Variants in CELSR1 observed in about 807,000 individuals in gnomAD.
CELSR1 encodes adhesion G protein-coupled receptor C1.
CELSR1 carries 110 observed loss-of-function variants against 249.1 expected under a neutral mutation model. The ratio of observed to expected loss-of-function variants is 0.44; its 90% confidence interval spans 0.38 to 0.52. The LOEUF (loss-of-function observed/expected upper bound fraction) is 0.52. Among genes scored for constraint, CELSR1 ranks in the 20% least tolerant of loss-of-function variants. The pLI is 0.00. For synonymous variants in CELSR1, 2,113 were observed against 1,900.0 expected (o/e 1.11, Z -2.92); for missense variants, 4,109 against 4,296.4 (o/e 0.96, Z 1.22).
At chr22:46,511,828 T>C (rs1391884472) in intron 1 of CELSR1, among the ~76,000 whole-genome samples, 1 of 152,050 alleles carries the variant, frequency 6.6e-6, no homozygotes, top group Non-Finnish European at 1.5e-5. Flanking sequence ...AAAGCCACTT[T>C]TCCCACTGAC....
At position 46,428,633 on chromosome 22, in the gene CELSR1, C is replaced by A. The variant is rs1251426005; in HGVS notation, c.4611+4760G>T. Among the ~76,000 whole-genome samples, 3 of 152,192 alleles carry A rather than the reference C, an allele frequency of 2.0e-5. No individual in the cohort carries two copies. The highest frequency in any genetic ancestry group is 4.4e-5 in the Non-Finnish European group (3 of 68,028). ...TAGTGACCAGAGGTCAGGAATGCTG[C>A]CCAGAACAGGCCTCACAATGAAGGG... On this transcript the variant is annotated intron_variant, in intron 5 of 34. Coordinates refer to ENST00000674500, the MANE Select transcript of CELSR1 (RefSeq NM_001378328.1). The surrounding 1 kb of genome is among the most constrained non-coding windows in gnomAD (Gnocchi z 5.7).
intron 1 of CELSR1, among the ~76,000 whole-genome samples, chr22:46,499,964 C>G (rs1019752603): frequency 1.3e-5 from 2 of 152,138 alleles, no homozygotes; most frequent in African/African-American, 4.8e-5. Flanking sequence ...ACCCAGCGGC[C>G]GCCCCCACCA....
At position 46,393,512 on chromosome 22, in the gene CELSR1, CG is replaced by C. The variant is rs1408561541; in HGVS notation, c.5964+629del. The stretch of plus-strand genomic sequence containing the variant: ...CAGCACTCTGGGAGGCTGAGGCGGG[CG>C]GATCACCTGAGGTCAGGAGTTCAAG... On this transcript the variant is annotated intron_variant, in intron 14 of 34. Transcript: ENST00000674500. This position sits in a 1 kb window ranked among gnomAD's most constrained non-coding sequence, Gnocchi z 4.1. 1.3e-5 allele frequency among the ~76,000 whole-genome samples: 2 copies of C among 151,984 alleles called. No homozygotes were observed. The highest frequency in any genetic ancestry group is 4.8e-5 in the African/African-American group (2 of 41,370).
chr22:46,483,319 C>T (rs1172898357), intron 1 of CELSR1, among the ~76,000 whole-genome samples: 2 of 150,878 alleles, frequency 1.3e-5, no homozygotes, highest in East Asian at 3.9e-4. Context: ...ACCCGCCTCA[C>T]TGGGTGTCTA....
At chr22:46,365,782 T>G in intron 30 of CELSR1, 93 bp from the exon 31 acceptor site, 2 of 893,996 alleles carry the variant, frequency 2.2e-6, no homozygotes, top group Non-Finnish European at 1.7e-6. Context: ...CCCTACCCCT[T>G]CTGTGTTCCC....
chr22:46,414,041 G>T (rs5768759), intron 5 of CELSR1, among the ~76,000 whole-genome samples: 1 of 152,118 alleles, frequency 6.6e-6, no homozygotes, highest in Non-Finnish European at 1.5e-5. Context: ...TCAGAGCTAC[G>T]GATTCAAGCA....
chr22:46,363,939 T>A lies in CELSR1; in HGVS notation c.9035+57A>T. The A allele has an allele frequency of 6.7e-7, 1 of 1,495,470 alleles. No individual in the cohort carries two copies. The highest frequency in any genetic ancestry group is 1.3e-5 in the South Asian group (1 of 78,002). 92.6% of individuals were successfully genotyped at this position (1,495,470 alleles called of 1,614,324 possible). A position where few individuals can be genotyped will look rare whatever the true frequency, so the allele number is the denominator to read the frequency against. On this transcript the variant is annotated intron_variant, in intron 34 of 34. Coordinates refer to ENST00000674500, the MANE Select transcript of CELSR1 (RefSeq NM_001378328.1). The surrounding 1 kb of genome is among the most constrained non-coding windows in gnomAD (Gnocchi z 4.3). ...CCTGACCACTGCCCCCTCTCTCTCC[T>A]GACTCAGGACAAGGGGGAAGTGGGT...
In CELSR1 at chr22:46,391,293, G is replaced by A; in HGVS notation, c.6149-6C>T. 2.5e-6 allele frequency: 4 copies of A among 1,612,738 alleles called. No homozygotes were observed. The highest frequency in any genetic ancestry group is 1.1e-5 in the South Asian group (1 of 91,052). ...GGGACAGCCATTGTAGATCACTGGG[G>A]TAGAGAAGAGAGAAGTCTGCTCAGC... On this transcript the variant is annotated splice_polypyrimidine_tract_variant and splice_region_variant and intron_variant, in intron 15 of 34. Transcript: ENST00000674500. This position sits in a 1 kb window ranked among gnomAD's most constrained non-coding sequence, Gnocchi z 4.3.
intron 2 of CELSR1, among the ~76,000 whole-genome samples, chr22:46,450,918 G>T (rs981525183): frequency 9.2e-5 from 14 of 152,242 alleles, no homozygotes; most frequent in African/African-American, 3.4e-4. Context: ...GAGTGAAACA[G>T]CTCATTTGGT....
In CELSR1 at chr22:46,396,643, C is replaced by G. The variant is rs763331212; in HGVS notation, c.5805G>C (p.Glu1935Asp). The G allele has an allele frequency of 6.2e-7, 1 of 1,609,174 alleles. No homozygotes were observed. Among genetic ancestry groups the G allele is most frequent in the Admixed American group, 1.7e-5 (1 of 59,442 alleles). Residue 1935 changes from glutamate to aspartate, a missense_variant, in exon 13 of 35, where the codon GAG becomes GAC. Around this residue, in one of 7 missense-constraint regions of CELSR1, gnomAD observed 1,805 missense variants for 1,831.6 expected, o/e 0.99. Coordinates refer to ENST00000674500, the MANE Select transcript of CELSR1 (RefSeq NM_001378328.1). The surrounding 1 kb of genome is among the most constrained non-coding windows in gnomAD (Gnocchi z 6.4). The part of the protein sequence containing the change: ...SPGSPQGYVC[E>D]CGPSHYGPYC... ...ACGGCCCGTAGTGACTGGGCCCACA[C>G]TCGCACACGTAGCCCTGCGGGGAGC...
rs774012373 is a variant in CELSR1 at position 46,394,136 on chromosome 22, C to T, written c.5964+6G>A. ...GCATGCAGGGATCATGGGGGCGGGG[C>T]CTCACCTTGCATTGGCACTGGCCGT... On this transcript the variant is annotated splice_donor_region_variant and intron_variant, in intron 14 of 34. Transcript: ENST00000674500. 6.2e-7 allele frequency: 1 copy of T among 1,612,948 alleles called. No individual in the cohort carries two copies. Among genetic ancestry groups the T allele is most frequent in the South Asian group, 1.1e-5 (1 of 90,948 alleles).
chr22:46,416,121 A>C (rs2079398719), intron 5 of CELSR1, among the ~76,000 whole-genome samples: 1 of 140,312 alleles, frequency 7.1e-6, no homozygotes, highest in African/African-American at 2.7e-5. Context: ...GCGGATAAGG[A>C]ATGAGACAGA....
chr22:46,452,816 G>A (rs796849580), intron 2 of CELSR1, among the ~76,000 whole-genome samples: 11 of 152,356 alleles, frequency 7.2e-5, no homozygotes, highest in African/African-American at 2.6e-4. Context: ...ACTTCACGCC[G>A]CCCTTGGCCC....
chr22:46,503,472 C>T (rs2080485283), intron 1 of CELSR1, among the ~76,000 whole-genome samples: 1 of 152,200 alleles, frequency 6.6e-6, no homozygotes, highest in African/African-American at 2.4e-5. Context: ...CCCACTGTGA[C>T]CACGGGAGGC....
intron 1 of CELSR1, among the ~76,000 whole-genome samples, chr22:46,529,277 AG>A (rs1428673366): frequency 2.6e-5 from 4 of 152,102 alleles, no homozygotes; most frequent in Non-Finnish European, 5.9e-5. Flanking sequence ...AAAAAAAAAA[AG>A]AATGAGATCC....
rs761484145 is a variant in CELSR1, at chr22:46,386,468, T to C, written c.6673A>G (p.Ser2225Gly). The part of the protein sequence containing the change: ...QLLRRLEGYF[S>G]NVARNVRRTY... Reference sequence around the variant, plus strand: ...CGCCGCACGTTGCGTGCCACGTTGCTGAAGTAGCCCTCGAGGCGCCGGAGC... The same window carrying C: ...CGCCGCACGTTGCGTGCCACGTTGCCGAAGTAGCCCTCGAGGCGCCGGAGC... The change falls in exon 19 of 35, where the codon AGC (serine) becomes GGC (glycine). Residue 2225 changes from serine (S) to glycine (G), a missense_variant. Transcript: ENST00000674500. 4 of 1,604,276 alleles carry C rather than the reference T, an allele frequency of 2.5e-6. No homozygotes were observed. The highest frequency in any genetic ancestry group is 3.4e-6 in the Non-Finnish European group (4 of 1,176,124).
At chr22:46,442,988 C>T (rs1029403461) in intron 2 of CELSR1, among the ~76,000 whole-genome samples, 21 of 151,958 alleles carry the variant, frequency 1.4e-4, no homozygotes, top group African/African-American at 4.8e-4. Context: ...GTCCCAGCTA[C>T]TCAGGAGGCT....
chr22:46,424,969 T>TA (rs2079520722), intron 5 of CELSR1, among the ~76,000 whole-genome samples: 2 of 152,200 alleles, frequency 1.3e-5, no homozygotes, highest in African/African-American at 2.4e-5. Context: ...AAACTCTGTC[T>TA]GAAAAGCAAA....
chr22:46,504,254 C>T (rs905036616), intron 1 of CELSR1, among the ~76,000 whole-genome samples: 4 of 152,020 alleles, frequency 2.6e-5, no homozygotes, highest in Non-Finnish European at 5.9e-5. Flanking sequence ...TGGCTCACAC[C>T]TATAATCCCA....
Sources: allele counts gnomAD v4.1 joint callset (sites outside exome capture counted in the v4.1 genomes callset), GRCh38; gene constraint gnomAD v4.1.1; regional missense constraint gnomAD v4.1.1; non-coding constraint Gnocchi (gnomAD v3.1); transcripts MANE v1.5; gene names NCBI Gene and HGNC (gene_info 2026-07-23, HGNC 2026-07-21).